The following EPB41 variants were observed in gnomAD, a reference collection of about 807,000 sequenced individuals.
EPB41 encodes the protein protein 4.1.
Under a neutral mutation model 108.0 loss-of-function variants are expected in EPB41, and 65 were observed. The observed-to-expected ratio is 0.60, with a 90% CI of 0.49 to 0.74. The LOEUF (loss-of-function observed/expected upper bound fraction) is 0.74, where lower values mean the gene tolerates loss of function less well. Ranked by LOEUF, EPB41 falls within the 30% of genes least tolerant of loss-of-function variation. The pLI, the probability that EPB41 is intolerant of heterozygous loss-of-function variation, is 0.00. For synonymous variants in EPB41, 336 were observed against 358.9 expected (o/e 0.94, Z 0.72); for missense variants, 875 against 1,037.0 (o/e 0.84, Z 2.15).
chr1:28,949,757 C>T (rs1327714669), intron 1 of EPB41, among the ~76,000 whole-genome samples: 1 of 151,888 alleles, frequency 6.6e-6, no homozygotes, highest in Non-Finnish European at 1.5e-5. Context: ...GTGCATGCCA[C>T]CACACCCAGA....
At chr1:29,064,145 G>A (rs1182090076) in intron 15 of EPB41, among the ~76,000 whole-genome samples, 1 of 152,076 alleles carries the variant, frequency 6.6e-6, no homozygotes, top group Non-Finnish European at 1.5e-5. Context: ...AGATATATAA[G>A]GTATTTGGTG....
intron 1 of EPB41, chr1:28,889,798 G>A (rs1569821659): frequency 3.0e-6 from 3 of 985,300 alleles, no homozygotes; most frequent in African/African-American, 3.5e-5. Flanking sequence ...AGCTTCATTC[G>A]GTTATTCTCT....
intron 11 of EPB41, among the ~76,000 whole-genome samples, chr1:29,043,630 G>T (rs1260269658): frequency 6.6e-6 from 1 of 152,196 alleles, no homozygotes; most frequent in Non-Finnish European, 1.5e-5. Flanking sequence ...AATAAGTGAG[G>T]TCGGAGAAGT....
intron 4 of EPB41, among the ~76,000 whole-genome samples, chr1:29,003,695 T>C (rs2096346865): frequency 6.6e-6 from 1 of 152,222 alleles, no homozygotes; most frequent in African/African-American, 2.4e-5. Flanking sequence ...TTCCCTCATA[T>C]GGAGTGGCTT....
At chr1:29,047,444 A>C (rs1643613772) in intron 11 of EPB41, among the ~76,000 whole-genome samples, 1 of 148,088 alleles carries the variant, frequency 6.8e-6, no homozygotes, top group African/African-American at 2.5e-5. Flanking sequence ...TGTAGAGACA[A>C]GGTCTTACTG....
At chr1:28,989,480 A>G in intron 2 of EPB41, 1 of 724,828 alleles carries the variant, frequency 1.4e-6, no homozygotes, top group Non-Finnish European at 1.7e-6. Flanking sequence ...GAAAAAAGTA[A>G]AAGTCCTACA....
At chr1:29,004,521 ATTCATGAC>A (rs1307050086) in intron 4 of EPB41, among the ~76,000 whole-genome samples, 1 of 152,214 alleles carries the variant, frequency 6.6e-6, no homozygotes, top group Non-Finnish European at 1.5e-5. Flanking sequence ...ATTCTCATTG[ATTCATGAC>A]TGGCCTTGAA....
intron 16 of EPB41, chr1:29,072,402 A>C (rs1183497770): frequency 6.6e-6 from 1 of 152,208 alleles, no homozygotes; most frequent in Non-Finnish European, 1.5e-5. Context: ...AATTAAAAGG[A>C]AATAATCAGA....
intron 17 of EPB41, 123 bp from the exon 18 acceptor site, chr1:29,109,213 A>T: frequency 7.0e-6 from 5 of 718,154 alleles, no homozygotes; most frequent in Admixed American, 2.3e-5. Flanking sequence ...AAAAAAAAAG[A>T]GGTCATTCTA....
chr1:28,929,902 T>C (rs1174027872), intron 1 of EPB41, among the ~76,000 whole-genome samples: 1 of 148,532 alleles, frequency 6.7e-6, no homozygotes, highest in African/African-American at 2.5e-5. Context: ...ACATATCATA[T>C]GATTTAACCA....
chr1:29,044,499 TCTTAA>T (rs981889914), intron 11 of EPB41, among the ~76,000 whole-genome samples: 2 of 152,108 alleles, frequency 1.3e-5, no homozygotes, highest in African/African-American at 2.4e-5. Context: ...AGATGTATGG[TCTTAA>T]CTTTTCATGG....
intron 1 of EPB41, among the ~76,000 whole-genome samples, chr1:28,951,812 C>T (rs1315000009): frequency 2.6e-5 from 4 of 152,222 alleles, no homozygotes; most frequent in Middle Eastern, 3.4e-3. Flanking sequence ...TGTGATTGTG[C>T]CATTGTACTG....
intron 1 of EPB41, among the ~76,000 whole-genome samples, chr1:28,962,236 C>T (rs1571466875): frequency 6.6e-6 from 1 of 151,798 alleles, no homozygotes; most frequent in Non-Finnish European, 1.5e-5. Flanking sequence ...AATTTTTGTA[C>T]TTTTAGTAGA....
Position 29,115,627 on chromosome 1 carries a change from AATG to A in EPB41, c.2497-67_2497-65del. ...ATTGGATCTGTCAGAACATCAGAGA[AATG>A]ATGACCACTGCCTTCCTTCGCCATC... On this transcript the variant is annotated intron_variant, in intron 19 of 20. Coordinates refer to ENST00000343067, the MANE Select transcript of EPB41 (RefSeq NM_001376013.1). This position sits in a 1 kb window ranked among gnomAD's most constrained non-coding sequence, Gnocchi z 4.4. 1 of 1,285,700 alleles carries A rather than the reference AATG, an allele frequency of 7.8e-7. No homozygotes were observed. Among genetic ancestry groups the A allele is most frequent in the South Asian group, 1.2e-5 (1 of 83,134 alleles). 79.6% of individuals were successfully genotyped at this position (1,285,700 alleles called of 1,614,324 possible).
At chr1:29,058,762 G>T in intron 13 of EPB41, 49 bp from the exon 14 acceptor site, 1 of 1,532,410 alleles carries the variant, frequency 6.5e-7, no homozygotes, top group South Asian at 1.2e-5. Context: ...AAACTTCAAT[G>T]AGCAACATTT....
intron 1 of EPB41, among the ~76,000 whole-genome samples, chr1:28,971,180 CTT>C (rs1000130058): frequency 3.0e-4 from 20 of 66,326 alleles, no homozygotes; most frequent in African/African-American, 1.2e-3. Flanking sequence ...TTCTTTCTTT[CTT>C]TTTTTTTTTT....
In EPB41 at chr1:29,053,265, G is replaced by A; in HGVS notation, c.1798G>A (p.Asp600Asn). The A allele has an allele frequency of 6.2e-7, 1 of 1,614,212 alleles. No individual in the cohort carries two copies. ...AGTGAAGGCTGAAGTGAAAAAGGAA[G>A]ACGAGCCACCTGAGCAAGCTGAGCC... Reference protein sequence around the residue: ...ETVKAEVKKEDEPPEQAEPEP... With the variant: ...ETVKAEVKKENEPPEQAEPEP... Residue 600 changes from aspartate (D) to asparagine (N), a missense_variant, in exon 12 of 21, where the codon GAC becomes AAC. Asp to Asn is a conservative substitution (Grantham distance 23, BLOSUM62 1). This residue lies in a region of EPB41 where 519 missense variants were observed against 627.3 expected (regional missense o/e 0.83). Transcript: ENST00000343067.
intron 18 of EPB41, among the ~76,000 whole-genome samples, chr1:29,110,133 T>G (rs984342521): frequency 6.6e-6 from 1 of 151,002 alleles, no homozygotes; most frequent in African/African-American, 2.4e-5. Context: ...CCCAGGAGTT[T>G]GAGATTAGCC....
intron 16 of EPB41, chr1:29,069,573 A>G (rs1444045545): frequency 7.0e-6 from 3 of 425,558 alleles, no homozygotes; most frequent in African/African-American, 6.2e-5. Flanking sequence ...TAATTGCTAT[A>G]CTGAATGAAC....
Sources: gnomAD v4.1 joint callset for allele counts (sites outside exome capture counted in the v4.1 genomes callset) on GRCh38, gnomAD v4.1.1 for gene constraint, gnomAD v4.1.1 regional missense constraint, Gnocchi (gnomAD v3.1) non-coding constraint, MANE v1.5 for transcripts, NCBI Gene and HGNC (gene_info 2026-07-23, HGNC 2026-07-21) for gene names.